IDE: variants seen among roughly 807,000 people sequenced by gnomAD.
IDE encodes the protein insulin-degrading enzyme.
IDE carries 58 observed loss-of-function variants against 133.2 expected under a neutral mutation model. The ratio of observed to expected loss-of-function variants is 0.44; its 90% CI spans 0.35 to 0.54. The LOEUF is 0.54. IDE is among the 20% of genes least tolerant of loss of function. The pLI is 0.00. For missense variants in IDE, 981 were observed against 1,234.0 expected (o/e 0.79, Z 3.07); for synonymous variants, 396 against 421.3 (o/e 0.94, Z 0.73).
intron 4 of IDE, among the ~76,000 whole-genome samples, chr10:92,530,704 T>C (rs1166317072): frequency 6.6e-6 from 1 of 152,226 alleles, no homozygotes; most frequent in Non-Finnish European, 1.5e-5. Flanking sequence ...AGAACCACAC[T>C]ATTCATCTTG....
intron 17 of IDE, among the ~76,000 whole-genome samples, chr10:92,471,669 G>A (rs1845973288): frequency 6.6e-6 from 1 of 151,982 alleles, no homozygotes; most frequent in South Asian, 2.1e-4. Flanking sequence ...CCACCAGACT[G>A]GAGCTCCTTG....
At position 92,510,774 on chromosome 10, in the gene IDE, GCA is replaced by G. The variant is rs201337801; in HGVS notation, c.785-614_785-613del. Among the ~76,000 whole-genome samples the G allele has an allele frequency of 3.6e-3, 206 of 57,336 alleles. 4 individuals carry two copies. The East Asian group carries it at 0.12, about 33-fold the overall frequency. 37.6% of individuals were successfully genotyped at this position (57,336 alleles called of 152,430 possible). On this transcript the variant is annotated intron_variant, in intron 5 of 24. Transcript: ENST00000265986. ...ATACATCTCACATATATGATATATA[GCA>G]CATACATCTCACATGATATATAGCA... is the stretch of plus-strand genomic sequence containing the variant.
chr10:92,571,044 G>C (rs1389595775), intron 1 of IDE, among the ~76,000 whole-genome samples: 1 of 150,514 alleles, frequency 6.6e-6, no homozygotes, highest in Non-Finnish European at 1.5e-5. Context: ...GCAGTGGCAC[G>C]ATCTCAGCTC....
At chr10:92,569,212 G>A (rs577262648) in intron 1 of IDE, among the ~76,000 whole-genome samples, 2 of 151,304 alleles carry the variant, frequency 1.3e-5, no homozygotes, top group Non-Finnish European at 2.9e-5. Flanking sequence ...CAGCAAATTG[G>A]TAAGTCTGAC....
At chr10:92,566,100 A>G (rs1347322993) in intron 1 of IDE, among the ~76,000 whole-genome samples, 1 of 151,940 alleles carries the variant, frequency 6.6e-6, no homozygotes, top group African/African-American at 2.4e-5. Context: ...TCACGCCTAT[A>G]ATCCCAGTAC....
At chr10:92,482,657 A>T (rs946359205) in intron 14 of IDE, among the ~76,000 whole-genome samples, 1 of 152,080 alleles carries the variant, frequency 6.6e-6, no homozygotes, top group East Asian at 1.9e-4. Context: ...AGAATCCAAA[A>T]CCCTGAAGGC....
intron 11 of IDE, among the ~76,000 whole-genome samples, chr10:92,499,727 G>A (rs1430491649): frequency 2.0e-5 from 3 of 152,232 alleles, no homozygotes; most frequent in South Asian, 2.1e-4. Flanking sequence ...CACTGTGCAC[G>A]GTCAATGTGT....
intron 15 of IDE, among the ~76,000 whole-genome samples, chr10:92,477,361 CAGG>C (rs1846324107): frequency 6.6e-6 from 1 of 151,984 alleles, no homozygotes; most frequent in Non-Finnish European, 1.5e-5. Context: ...CCATGTTGCC[CAGG>C]AGGCTGGTCT....
At chr10:92,568,141 T>G (rs1384409941) in intron 1 of IDE, among the ~76,000 whole-genome samples, 1 of 152,154 alleles carries the variant, frequency 6.6e-6, no homozygotes, top group Non-Finnish European at 1.5e-5. Flanking sequence ...TAAGAGCAAG[T>G]CAAGCAAGTA....
intron 12 of IDE, among the ~76,000 whole-genome samples, chr10:92,488,927 T>C (rs898961681): frequency 1.9e-5 from 2 of 106,010 alleles, no homozygotes; most frequent in Non-Finnish European, 3.6e-5. Flanking sequence ...AGGCTTTTCA[T>C]TATTTAAAAA....
chr10:92,540,249 G>GA (rs532461078), intron 1 of IDE, among the ~76,000 whole-genome samples: 10,054 of 114,624 alleles, frequency 0.088, 448 homozygotes, highest in African/African-American at 0.15. Context: ...CGTCTCAAAA[G>GA]AAAAAAAAAA....
At chr10:92,482,536 C>T (rs1846676295) in intron 14 of IDE, among the ~76,000 whole-genome samples, 3 of 152,116 alleles carry the variant, frequency 2.0e-5, no homozygotes, top group African/African-American at 4.8e-5. Flanking sequence ...GTAACTAGTA[C>T]CTCCTCTTCT....
Position 92,557,193 on chromosome 10 carries a change from T to C in IDE, c.98+16729A>G, listed in dbSNP as rs190505297. ...AGCTGGAAGACTCAAACTGCCTGACTTCAAAACAATTGTAAGCAAAATAGT... is the reference window on the plus strand; with the variant it reads ...AGCTGGAAGACTCAAACTGCCTGACCTCAAAACAATTGTAAGCAAAATAGT... On this transcript the variant is annotated intron_variant, in intron 1 of 24. Coordinates refer to ENST00000265986, the MANE Select transcript of IDE (RefSeq NM_004969.4). Among the ~76,000 whole-genome samples the C allele has an allele frequency of 3.7e-4, 56 of 152,238 alleles. No homozygotes were observed. In the East Asian group the frequency reaches 7.9e-3, roughly 22 times the overall value.
chr10:92,498,962 T>G (rs988089896), intron 11 of IDE, among the ~76,000 whole-genome samples: 2 of 152,158 alleles, frequency 1.3e-5, no homozygotes, highest in Non-Finnish European at 2.9e-5. Context: ...GGATTTAGGC[T>G]GATTTTTCCC....
intron 21 of IDE, among the ~76,000 whole-genome samples, chr10:92,461,847 T>A (rs1227908574): frequency 6.6e-6 from 1 of 152,036 alleles, no homozygotes; most frequent in African/African-American, 2.4e-5. Context: ...TTTTTCTTTT[T>A]TATATTCTTA....
At chr10:92,551,566 CAAAAAAAAAAAAA>C (rs1232265058) in intron 1 of IDE, among the ~76,000 whole-genome samples, 2 of 66,628 alleles carry the variant, frequency 3.0e-5, no homozygotes, top group Non-Finnish European at 6.5e-5. Flanking sequence ...GACTCCATCT[CAAAAAAAAAAAAA>C]AAAAAAGAAA....
At chr10:92,457,942 C>A (rs1167895790) in intron 22 of IDE, among the ~76,000 whole-genome samples, 1 of 152,186 alleles carries the variant, frequency 6.6e-6, no homozygotes, top group East Asian at 1.9e-4. Context: ...CCTCTATTAA[C>A]ATGTAGTACC....
rs769357416 is a variant in IDE, at chr10:92,479,434, G to A, written c.1740-13C>T. The A allele has an allele frequency of 6.3e-7, 1 of 1,588,010 alleles. No homozygotes were observed. The highest frequency in any genetic ancestry group is 1.7e-5 in the Admixed American group (1 of 59,478). ...ATAAGCAAATGGGCTGGAAGAAAAT[G>A]TTGACAGTAAAATAGCTGATTTTAT... On this transcript the variant is annotated splice_polypyrimidine_tract_variant and intron_variant, in intron 14 of 24. Coordinates refer to ENST00000265986, the MANE Select transcript of IDE (RefSeq NM_004969.4).
chr10:92,474,611 C>G (rs960638253), intron 17 of IDE: 9 of 379,468 alleles, frequency 2.4e-5, no homozygotes, highest in African/African-American at 1.9e-4. Context: ...GTTTATTTAT[C>G]ATTTGTTTGG....
Sources: allele counts gnomAD v4.1 joint callset (sites outside exome capture counted in the v4.1 genomes callset), GRCh38; gene constraint gnomAD v4.1.1; transcripts MANE v1.5; gene names NCBI Gene and HGNC (gene_info 2026-07-23, HGNC 2026-07-21).